CNTN4: variants seen among roughly 807,000 people sequenced by gnomAD.
CNTN4 encodes the protein contactin-4.
CNTN4 carries 77 observed loss-of-function variants against 122.5 expected under a neutral mutation model. The ratio of observed to expected loss-of-function variants is 0.63; its 90% CI spans 0.52 to 0.76. The LOEUF (loss-of-function observed/expected upper bound fraction) is 0.76. CNTN4 is among the 30% of genes least tolerant of loss of function. The pLI, the probability that CNTN4 is intolerant of heterozygous loss-of-function variation, is 0.00. For missense variants in CNTN4, 1,256 were observed against 1,259.1 expected (o/e 1.00, Z 0.04); for synonymous variants, 512 against 447.0 (o/e 1.15, Z -1.83).
At chr3:2,472,911 G>C (rs1426617739) in intron 3 of CNTN4, among the ~76,000 whole-genome samples, 1 of 152,144 alleles carries the variant, frequency 6.6e-6, no homozygotes, top group Non-Finnish European at 1.5e-5. Context: ...AGTGTGGTGA[G>C]TCAATAAGTG....
intron 6 of CNTN4, among the ~76,000 whole-genome samples, chr3:2,816,922 G>A (rs958936237): frequency 1.3e-5 from 2 of 151,248 alleles, no homozygotes; most frequent in Non-Finnish European, 2.9e-5. Context: ...AAAAATATAT[G>A]TGGAAACATT....
chr3:2,737,882 C>A (rs4685543), intron 5 of CNTN4, among the ~76,000 whole-genome samples: 97,242 of 152,118 alleles, frequency 0.64, 33,372 homozygotes, highest in Non-Finnish European at 0.79. Flanking sequence ...GTAATTGTGT[C>A]TTTCAAACAT....
chr3:2,282,639 A>G (rs2041760679), intron 2 of CNTN4, among the ~76,000 whole-genome samples: 1 of 152,188 alleles, frequency 6.6e-6, no homozygotes, highest in African/African-American at 2.4e-5. Context: ...ATTGCATTCA[A>G]AAAGATAAAA....
intron 3 of CNTN4, among the ~76,000 whole-genome samples, chr3:2,375,837 C>T (rs17013467): frequency 0.072 from 10,928 of 151,940 alleles, 946 homozygotes; most frequent in East Asian, 0.5. Flanking sequence ...CTCTGAATTG[C>T]TTGAAAATGT....
At chr3:2,871,520 T>C (rs2093784089) in intron 8 of CNTN4, among the ~76,000 whole-genome samples, 1 of 152,200 alleles carries the variant, frequency 6.6e-6, no homozygotes, top group African/African-American at 2.4e-5. Flanking sequence ...ATTATTTTTC[T>C]CACTTTTCTA....
rs139843286 is a variant in CNTN4 at position 3,053,715 on chromosome 3, T to C, written c.2812-92T>C. The C allele has an allele frequency of 1.1e-5, 14 of 1,324,478 alleles. No individual in the cohort carries two copies. In the African/African-American group the frequency reaches 1.7e-4, roughly 16 times the overall value. 82.0% of individuals were successfully genotyped at this position (1,324,478 alleles called of 1,614,324 possible). A position where few individuals can be genotyped will look rare whatever the true frequency, so the allele number is the denominator to read the frequency against. Reference sequence around the variant, plus strand: ...AGACAACCTCTACATCCCTGCATTTTGCTCGTGCCCAGAGGTGAAAACAAA... The same window carrying C: ...AGACAACCTCTACATCCCTGCATTTCGCTCGTGCCCAGAGGTGAAAACAAA... On this transcript the variant is annotated intron_variant, in intron 23 of 24. Coordinates refer to ENST00000418658, the MANE Select transcript of CNTN4 (RefSeq NM_175607.3).
chr3:2,842,865 T>C (rs1430914013), intron 7 of CNTN4, among the ~76,000 whole-genome samples: 7 of 152,104 alleles, frequency 4.6e-5, no homozygotes. Flanking sequence ...TTTTCTTTTC[T>C]GGCTTCTCAT....
At chr3:2,713,240 A>C (rs2087261664) in intron 4 of CNTN4, among the ~76,000 whole-genome samples, 1 of 152,138 alleles carries the variant, frequency 6.6e-6, no homozygotes, top group East Asian at 1.9e-4. Flanking sequence ...TCTGCTGCAG[A>C]ATTCATTGCT....
At chr3:2,788,744 G>A (rs999880561) in intron 6 of CNTN4, among the ~76,000 whole-genome samples, 2 of 152,156 alleles carry the variant, frequency 1.3e-5, no homozygotes, top group African/African-American at 4.8e-5. Flanking sequence ...AAGCTCAATA[G>A]CTGAATAGCT....
At chr3:2,444,776 C>T (rs934159877) in intron 3 of CNTN4, among the ~76,000 whole-genome samples, 1 of 151,940 alleles carries the variant, frequency 6.6e-6, no homozygotes, top group East Asian at 1.9e-4. Flanking sequence ...GACAGATGAA[C>T]TAATGTCCTT....
chr3:2,221,231 G>T (rs898860553), intron 2 of CNTN4, among the ~76,000 whole-genome samples: 1 of 152,074 alleles, frequency 6.6e-6, no homozygotes, highest in African/African-American at 2.4e-5. Context: ...TGTGGAGATG[G>T]AAATTTAATG....
intron 3 of CNTN4, among the ~76,000 whole-genome samples, chr3:2,455,664 T>A (rs1217616808): frequency 6.6e-6 from 1 of 152,066 alleles, no homozygotes; most frequent in Non-Finnish European, 1.5e-5. Flanking sequence ...AAAGTTAAAT[T>A]CAGTGTTTCA....
At chr3:2,651,252 G>A (rs532069316) in intron 4 of CNTN4, among the ~76,000 whole-genome samples, 1 of 152,194 alleles carries the variant, frequency 6.6e-6, no homozygotes, top group East Asian at 1.9e-4. Flanking sequence ...TGCAGTGAAG[G>A]GACAAGCAGG....
chr3:2,544,311 C>A (rs563051051), intron 3 of CNTN4, among the ~76,000 whole-genome samples: 47 of 152,172 alleles, frequency 3.1e-4, no homozygotes, highest in Middle Eastern at 3.4e-3. Context: ...AAAGATTGTT[C>A]TTCTGCAATC....
chr3:2,882,683 A>G (rs892577705), intron 8 of CNTN4: 1 of 165,882 alleles, frequency 6.0e-6, no homozygotes, highest in African/African-American at 2.4e-5. Context: ...ATGAAAGTAA[A>G]AGTTGTGGCC....
intron 4 of CNTN4, among the ~76,000 whole-genome samples, chr3:2,637,932 A>G (rs777433603): frequency 1.3e-5 from 2 of 152,224 alleles, no homozygotes; most frequent in Non-Finnish European, 2.9e-5. Context: ...TTTGGAACCC[A>G]TACCTGGAAT....
intron 4 of CNTN4, among the ~76,000 whole-genome samples, chr3:2,624,423 C>A: frequency 6.6e-6 from 1 of 152,006 alleles, no homozygotes; most frequent in East Asian, 1.9e-4. Flanking sequence ...CACAAGTCAG[C>A]ATCTACCATG....
intron 13 of CNTN4, among the ~76,000 whole-genome samples, chr3:2,952,011 A>C (rs953108212): frequency 6.6e-6 from 1 of 152,330 alleles, no homozygotes; most frequent in African/African-American, 2.4e-5. Flanking sequence ...GGTGCCAGGA[A>C]GGTTCTAAAA....
rs554181988 is a variant in CNTN4, at chr3:2,287,747, A to G, written c.-144-51431A>G. 3.9e-3 allele frequency among the ~76,000 whole-genome samples: 524 copies of G among 135,494 alleles called. 5 individuals are homozygous for G. The highest frequency in any genetic ancestry group is 6.0e-3 in the Non-Finnish European group (370 of 61,696). The allele number at this position is 135,494 out of a possible 152,430, so 88.9% of individuals were successfully genotyped here. On this transcript the variant is annotated intron_variant, in intron 2 of 24. Transcript: ENST00000418658. ...AAGAAGAAGAAGAAGAAGAAGAAGAAGAAGAAGAAGAAGAAGAAGAAGAAG... is the reference window on the plus strand; with the variant it reads ...AAGAAGAAGAAGAAGAAGAAGAAGAGGAAGAAGAAGAAGAAGAAGAAGAAG...
Sources: gnomAD v4.1 joint callset for allele counts (sites outside exome capture counted in the v4.1 genomes callset) on GRCh38, gnomAD v4.1.1 for gene constraint, MANE v1.5 for transcripts, NCBI Gene and HGNC (gene_info 2026-07-23, HGNC 2026-07-21) for gene names.